Variants in LUC7L3 observed in about 807,000 individuals in gnomAD.
The protein encoded by LUC7L3 is LUC7 like 3 pre-mRNA splicing factor.
Under a neutral mutation model 66.8 loss-of-function variants are expected in LUC7L3, and 6 were observed. That is an observed-to-expected ratio of 0.09 (90% CI 0.05 to 0.18). The LOEUF is 0.18. LUC7L3 is among the 10% of genes least tolerant of loss of function. The pLI, the probability that LUC7L3 is intolerant of heterozygous loss-of-function variation, is 1.00. For missense variants in LUC7L3, 341 were observed against 531.1 expected, an observed-to-expected ratio of 0.64 and a Z score of 3.52; for synonymous variants, 160 against 174.7, an observed-to-expected ratio of 0.92 and a Z score of 0.66.
intron 1 of LUC7L3, among the ~76,000 whole-genome samples, chr17:50,734,221 G>A (rs1969832724): frequency 6.7e-6 from 1 of 150,022 alleles, no homozygotes; most frequent in African/African-American, 2.5e-5. Flanking sequence ...AGGCTAGAGT[G>A]CAATGGCCTA....
chr17:50,736,819 AATATG>A lies in LUC7L3; in HGVS notation c.100-138_100-134del, dbSNP rs1403843157. 6.5e-6 allele frequency: 4 copies of A among 619,256 alleles called. No homozygotes were observed. In the African/African-American group the frequency reaches 7.4e-5, roughly 12 times the overall value. 38.4% of individuals were successfully genotyped at this position (619,256 alleles called of 1,614,324 possible). ...GAGTCTGAAAATCACTAATTTACCT[AATATG>A]ATTCAACAAATGAAATTCTTACATT... On this transcript the variant is annotated intron_variant, in intron 1 of 9. Transcript: ENST00000505658.
intron 2 of LUC7L3, 150 bp from the exon 3 acceptor site, chr17:50,740,156 A>G (rs746938462): frequency 4.9e-6 from 3 of 611,072 alleles, no homozygotes; most frequent in South Asian, 4.2e-5. Flanking sequence ...ATGCTTCATG[A>G]TTTAGTAGGA....
chr17:50,735,140 G>T (rs1392003828), intron 1 of LUC7L3, among the ~76,000 whole-genome samples: 2 of 151,166 alleles, frequency 1.3e-5, no homozygotes, highest in Non-Finnish European at 2.9e-5. Flanking sequence ...TGAGGCAGGA[G>T]AATGGCCTGA....
chr17:50,720,648 T>C (rs1158875922), intron 1 of LUC7L3, among the ~76,000 whole-genome samples: 1 of 152,252 alleles, frequency 6.6e-6, no homozygotes, highest in East Asian at 1.9e-4. Flanking sequence ...TTAGGTCTTA[T>C]CTGGAGAATA....
At position 50,753,744 on chromosome 17, in the gene LUC7L3, C is replaced by A. The variant is rs1971058876; in HGVS notation, c.*3083C>A. On this transcript the variant is annotated 3_prime_UTR_variant, in exon 10 of 10. Transcript: ENST00000505658. ...TGATAGTTTTTAAACCATATTCTGT[C>A]CCTAAGTAATAAAAAATCTAGGAAG... is the stretch of plus-strand genomic sequence containing the variant. 6.6e-6 allele frequency: 1 copy of A among 152,058 alleles called. No homozygotes were observed. Among genetic ancestry groups the A allele is most frequent in the Non-Finnish European group, 1.5e-5 (1 of 68,008 alleles). The allele number at this position is 152,058 out of a possible 1,614,324, so 9.4% of individuals were successfully genotyped here.
chr17:50,745,144 C>G (rs774547690), intron 7 of LUC7L3, among the ~76,000 whole-genome samples: 16 of 152,106 alleles, frequency 1.1e-4, no homozygotes, highest in Non-Finnish European at 2.2e-4. Context: ...CACACACTAC[C>G]ACGCCCGGCT....
intron 1 of LUC7L3, among the ~76,000 whole-genome samples, chr17:50,721,150 T>G (rs1968724408): frequency 6.6e-6 from 1 of 152,130 alleles, no homozygotes; most frequent in Non-Finnish European, 1.5e-5. Flanking sequence ...TTTGCAAATG[T>G]GTTAGGAATA....
chr17:50,755,656 A>C lies in LUC7L3; in HGVS notation c.*4995A>C, dbSNP rs192952551. On this transcript the variant is annotated 3_prime_UTR_variant, in exon 10 of 10. Transcript: ENST00000505658. ...AGAAACAACAACTTTGGGAAACGGG[A>C]AACAATTTGGTATAAGTGGGTGTGC... is the stretch of plus-strand genomic sequence containing the variant. 12 of 152,340 alleles carry C rather than the reference A, an allele frequency of 7.9e-5. No individual in the cohort carries two copies. The allele number at this position is 152,340 out of a possible 1,614,324, so 9.4% of individuals were successfully genotyped here.
At chr17:50,725,102 A>G (rs972849939) in intron 1 of LUC7L3, among the ~76,000 whole-genome samples, 1 of 152,074 alleles carries the variant, frequency 6.6e-6, no homozygotes, top group Non-Finnish European at 1.5e-5. Flanking sequence ...TGTTGTATTC[A>G]TTTATCCAAC....
intron 1 of LUC7L3, among the ~76,000 whole-genome samples, chr17:50,732,890 C>A (rs1233402240): frequency 6.6e-6 from 1 of 152,100 alleles, no homozygotes; most frequent in African/African-American, 2.4e-5. Flanking sequence ...GCATGAGCCC[C>A]GCCAGGTACC....
chr17:50,737,422 C>T, intron 2 of LUC7L3: 1 of 431,766 alleles, frequency 2.3e-6, no homozygotes, highest in Non-Finnish European at 4.6e-6. Context: ...GGATACTAAA[C>T]AGAAGCGAGT....
At chr17:50,726,547 C>T (rs1259576902) in intron 1 of LUC7L3, among the ~76,000 whole-genome samples, 1 of 151,994 alleles carries the variant, frequency 6.6e-6, no homozygotes, top group African/African-American at 2.4e-5. Context: ...GGAAGTGCTC[C>T]GAAGAAGCAG....
chr17:50,733,398 G>GTTTTT lies in LUC7L3; in HGVS notation c.100-3545_100-3541dup, dbSNP rs35236108. Reference sequence around the variant, plus strand: ...AGGCACCTGCCACCACGCCTGGCTAGTTTTTTTTTTTTTTTTTTTTTGAGA... The same window carrying GTTTTT: ...AGGCACCTGCCACCACGCCTGGCTAGTTTTTTTTTTTTTTTTTTTTTTTTTTGAGA... On this transcript the variant is annotated intron_variant, in intron 1 of 9. Coordinates refer to ENST00000505658, the MANE Select transcript of LUC7L3 (RefSeq NM_016424.5). Among the ~76,000 whole-genome samples, 71 of 98,304 alleles carry GTTTTT rather than the reference G, an allele frequency of 7.2e-4. 2 individuals carry two copies. The highest frequency in any genetic ancestry group is 2.5e-3 in the African/African-American group (58 of 23,050). The allele number at this position is 98,304 out of a possible 152,430, so 64.5% of individuals were successfully genotyped here.
At chr17:50,729,992 T>G (rs1394793274) in intron 1 of LUC7L3, among the ~76,000 whole-genome samples, 1 of 141,530 alleles carries the variant, frequency 7.1e-6, no homozygotes, top group Non-Finnish European at 1.6e-5. Flanking sequence ...CTGGCTCTGT[T>G]ACCCAGGCTG....
intron 6 of LUC7L3, among the ~76,000 whole-genome samples, chr17:50,744,444 TTTC>T (rs1394851905): frequency 1.3e-5 from 2 of 152,228 alleles, no homozygotes; most frequent in African/African-American, 4.8e-5. Context: ...GGTCTCAACA[TTTC>T]TTCTGGATGA....
In LUC7L3 at chr17:50,740,299, C is replaced by G. The variant is rs542054605; in HGVS notation, c.167-7C>G. 6 of 1,578,730 alleles carry G rather than the reference C, an allele frequency of 3.8e-6. No homozygotes were observed. Among genetic ancestry groups the G allele is most frequent in the Non-Finnish European group, 5.2e-6 (6 of 1,163,692 alleles). On this transcript the variant is annotated splice_polypyrimidine_tract_variant and splice_region_variant and intron_variant, in intron 2 of 9. Coordinates refer to ENST00000505658, the MANE Select transcript of LUC7L3 (RefSeq NM_016424.5). ...GATAATTTATACAATTATATTTTTT[C>G]CCCCAGGTCCGTGTGAAAAAATTCA...
chr17:50,732,592 T>C (rs569012018), intron 1 of LUC7L3, among the ~76,000 whole-genome samples: 1 of 150,600 alleles, frequency 6.6e-6, no homozygotes, highest in African/African-American at 2.4e-5. Flanking sequence ...GACAAGGTCT[T>C]ACTATGTTGC....
At chr17:50,746,747 C>A in intron 9 of LUC7L3, 45 bp downstream of exon 9, 1 of 1,534,216 alleles carries the variant, frequency 6.5e-7, no homozygotes, top group Non-Finnish European at 8.9e-7. Context: ...CTTTTCACAC[C>A]CTAATCGCCC....
Position 50,745,748 on chromosome 17 carries a change from C to T in LUC7L3, c.722C>T (p.Pro241Leu), listed in dbSNP as rs1970632949. 1 of 1,585,730 alleles carries T rather than the reference C, an allele frequency of 6.3e-7. No homozygotes were observed. The highest frequency in any genetic ancestry group is 1.9e-5 in the Admixed American group (1 of 51,686). ...AAGTTAAGGAAAAGAACCGAAGAAC[C>T]TGATCGTGATGAGCGTCTAAAAAAG... ...KEKLRKRTEE[P>L]DRDERLKKEK... The change falls in exon 8 of 10, where the codon CCT becomes CTT. Residue 241 changes from proline (P) to leucine (L), a missense_variant. Around this residue, in one of 6 missense-constraint regions of LUC7L3, gnomAD observed 210 missense variants for 238.1 expected, o/e 0.88. Transcript: ENST00000505658.
Sources: allele counts gnomAD v4.1 joint callset (sites outside exome capture counted in the v4.1 genomes callset), GRCh38; gene constraint gnomAD v4.1.1; regional missense constraint gnomAD v4.1.1; transcripts MANE v1.5; gene names NCBI Gene and HGNC (gene_info 2026-07-23, HGNC 2026-07-21).